The following FAM53B variants were observed in gnomAD, a reference collection of about 807,000 sequenced individuals.
FAM53B encodes the protein protein FAM53B.
FAM53B carries 12 observed loss-of-function variants against 32.7 expected under a neutral mutation model. That is an observed-to-expected ratio of 0.37 (90% confidence interval 0.24 to 0.59). The LOEUF (loss-of-function observed/expected upper bound fraction) is 0.59. Ranked by LOEUF, FAM53B falls within the 20% of genes least tolerant of loss-of-function variation. The probability of loss-of-function intolerance (pLI) is 0.72; values close to 1 mark genes in which losing one functional copy is unlikely to be tolerated. For synonymous variants in FAM53B, 234 were observed against 228.7 expected (o/e 1.02, Z -0.21); for missense variants, 477 against 577.7 (o/e 0.83, Z 1.79).
chr10:124,687,359 G>A (rs1421065696), intron 3 of FAM53B, among the ~76,000 whole-genome samples: 1 of 152,196 alleles, frequency 6.6e-6, no homozygotes, highest in Non-Finnish European at 1.5e-5. Context: ...ATGGATGTAG[G>A]AGTCTACTGA....
rs1404628593 is a variant in FAM53B at position 124,621,645 on chromosome 10, A to T, written c.*1597T>A. 2 of 152,240 alleles carry T rather than the reference A, an allele frequency of 1.3e-5. No individual in the cohort carries two copies. Among genetic ancestry groups the T allele is most frequent in the African/African-American group, 2.4e-5 (1 of 41,456 alleles). The allele number at this position is 152,240 out of a possible 1,614,324, so 9.4% of individuals were successfully genotyped here. A position where few individuals can be genotyped will look rare whatever the true frequency, so the allele number is the denominator to read the frequency against. ...TGAACCACCATCCTTTTGATGTAGT[A>T]AAAAAATAAGATTTAAACAACGTTT... On this transcript the variant is annotated 3_prime_UTR_variant, in exon 5 of 5. Transcript: ENST00000337318.
intron 2 of FAM53B, 91 bp downstream of exon 2, chr10:124,706,545 T>C: frequency 3.9e-6 from 6 of 1,538,038 alleles, no homozygotes; most frequent in East Asian, 4.5e-5. Flanking sequence ...TGGACTCGAT[T>C]TGCTAAGCTT....
chr10:124,644,673 G>C (rs1199754643), intron 4 of FAM53B, among the ~76,000 whole-genome samples: 2 of 152,200 alleles, frequency 1.3e-5, no homozygotes, highest in Non-Finnish European at 2.9e-5. Context: ...GGGGTGCTCA[G>C]AGAAGCTTGG....
At chr10:124,734,528 G>A (rs1185261882) in intron 1 of FAM53B, among the ~76,000 whole-genome samples, 2 of 152,128 alleles carry the variant, frequency 1.3e-5, no homozygotes, top group Non-Finnish European at 2.9e-5. Flanking sequence ...TGCAGCCCTC[G>A]CTCACAAAGC....
At chr10:124,716,944 C>T (rs1383292973) in intron 1 of FAM53B, among the ~76,000 whole-genome samples, 3 of 152,092 alleles carry the variant, frequency 2.0e-5, no homozygotes, top group African/African-American at 7.2e-5. Context: ...GCCACTTAGC[C>T]TAAGACAACC....
Position 124,681,815 on chromosome 10 carries a change from T to C in FAM53B, c.698A>G (p.His233Arg). The C allele has an allele frequency of 3.1e-6, 5 of 1,611,440 alleles. No individual in the cohort carries two copies. The highest frequency in any genetic ancestry group is 4.2e-6 in the Non-Finnish European group (5 of 1,178,796). ...GTATTCCACAAAGGAAAACTGCTCA[T>C]GTGAGCAAGAGAGGGACCGCTGCAG... ...LDLQRSLSCSHEQFSFVEYCP... is the reference protein window; with the variant it reads ...LDLQRSLSCSREQFSFVEYCP... The change falls in exon 4 of 5, where the codon CAT becomes CGT. Residue 233 changes from histidine (H) to arginine (R), a missense_variant. By Grantham distance (29) the His-to-Arg change is conservative. Coordinates refer to ENST00000337318, the MANE Select transcript of FAM53B (RefSeq NM_014661.4).
intron 4 of FAM53B, among the ~76,000 whole-genome samples, chr10:124,643,551 G>T (rs367946543): frequency 2.6e-5 from 4 of 152,384 alleles, no homozygotes; most frequent in South Asian, 2.1e-4. Context: ...GGGCCAGCGG[G>T]GGGGTGCAGG....
intron 1 of FAM53B, among the ~76,000 whole-genome samples, chr10:124,729,677 A>C (rs1950128875): frequency 6.6e-6 from 1 of 152,228 alleles, no homozygotes. Context: ...AGCCATTCCT[A>C]ACAGGAGCAA....
intron 1 of FAM53B, among the ~76,000 whole-genome samples, chr10:124,716,768 C>T (rs572965227): frequency 6.6e-6 from 1 of 152,056 alleles, no homozygotes; most frequent in South Asian, 2.1e-4. Context: ...AGGAAGGAGA[C>T]GAGGGACAAG....
intron 1 of FAM53B, among the ~76,000 whole-genome samples, chr10:124,723,140 T>A (rs1418889351): frequency 1.3e-5 from 2 of 152,216 alleles, no homozygotes; most frequent in South Asian, 2.1e-4. Flanking sequence ...CACAGGGCCA[T>A]GAAATGAACC....
At chr10:124,730,842 G>A (rs568798284) in intron 1 of FAM53B, among the ~76,000 whole-genome samples, 1 of 152,298 alleles carries the variant, frequency 6.6e-6, no homozygotes, top group African/African-American at 2.4e-5. Flanking sequence ...GTGGAGAAGA[G>A]GTCAGCACAT....
chr10:124,663,082 T>G (rs774144545), intron 4 of FAM53B, among the ~76,000 whole-genome samples: 6 of 152,216 alleles, frequency 3.9e-5, no homozygotes, highest in South Asian at 2.1e-4. Flanking sequence ...TGCCTTCTTG[T>G]CCTTGTCTTT....
intron 1 of FAM53B, among the ~76,000 whole-genome samples, chr10:124,721,819 C>T (rs149665464): frequency 3.9e-5 from 6 of 152,334 alleles, no homozygotes; most frequent in Admixed American, 2.6e-4. Flanking sequence ...GACTGTCCTA[C>T]TCATGAGCAA....
intron 1 of FAM53B, among the ~76,000 whole-genome samples, chr10:124,722,021 T>C (rs1374027816): frequency 6.6e-6 from 1 of 152,030 alleles, no homozygotes; most frequent in Non-Finnish European, 1.5e-5. Flanking sequence ...CAGAGGAGAC[T>C]AGAGGCTGGG....
intron 2 of FAM53B, among the ~76,000 whole-genome samples, chr10:124,704,710 C>T (rs73369310): frequency 1.3e-5 from 2 of 152,186 alleles, no homozygotes; most frequent in South Asian, 2.1e-4. Context: ...GGGCCATGTA[C>T]ATCCTAGTAA....
At chr10:124,735,730 T>C (rs74758713) in intron 1 of FAM53B, among the ~76,000 whole-genome samples, 5,839 of 152,304 alleles carry the variant, frequency 0.038, 156 homozygotes, top group South Asian at 0.1. Flanking sequence ...TCTGGTGGGC[T>C]CTAAGTGTCC....
chr10:124,630,711 G>C (rs746407489), intron 4 of FAM53B, among the ~76,000 whole-genome samples: 8 of 152,236 alleles, frequency 5.3e-5, no homozygotes, highest in Non-Finnish European at 1.0e-4. Flanking sequence ...AAATGGCCCA[G>C]TGGGGGTGGT....
At chr10:124,632,922 G>A (rs1167891117) in intron 4 of FAM53B, among the ~76,000 whole-genome samples, 1 of 152,186 alleles carries the variant, frequency 6.6e-6, no homozygotes, top group Non-Finnish European at 1.5e-5. Context: ...GGTGTGCCCT[G>A]AGGGAACTTG....
At chr10:124,659,414 T>C (rs551671832) in intron 4 of FAM53B, among the ~76,000 whole-genome samples, 15 of 152,370 alleles carry the variant, frequency 9.8e-5, no homozygotes, top group African/African-American at 3.1e-4. Flanking sequence ...CCAGAGCTAA[T>C]AGCAGTGGTG....
Sources: gnomAD v4.1 joint callset for allele counts (sites outside exome capture counted in the v4.1 genomes callset) on GRCh38, gnomAD v4.1.1 for gene constraint, MANE v1.5 for transcripts, NCBI Gene and HGNC (gene_info 2026-07-23, HGNC 2026-07-21) for gene names.